The following TBC1D22A variants were observed in gnomAD, a reference collection of about 807,000 sequenced individuals.
TBC1D22A encodes the protein putative GTPase activator.
TBC1D22A carries 38 observed loss-of-function variants against 60.2 expected under a neutral mutation model. The ratio of observed to expected loss-of-function variants is 0.63; its 90% CI spans 0.49 to 0.83. The LOEUF (loss-of-function observed/expected upper bound fraction) is 0.83, where lower values mean the gene tolerates loss of function less well. TBC1D22A is among the 40% of genes least tolerant of loss of function. The probability of loss-of-function intolerance (pLI) is 0.00; values close to 1 mark genes in which losing one functional copy is unlikely to be tolerated. For missense variants in TBC1D22A, 628 were observed against 701.0 expected, an observed-to-expected ratio of 0.90 and a Z score of 1.18; for synonymous variants, 302 against 281.7, an observed-to-expected ratio of 1.07 and a Z score of -0.72.
chr22:47,014,427 G>C (rs1027765900), intron 10 of TBC1D22A, among the ~76,000 whole-genome samples: 10 of 152,198 alleles, frequency 6.6e-5, no homozygotes, highest in African/African-American at 2.4e-4. Flanking sequence ...GGCCCCATCA[G>C]TCCCCGCTGG....
intron 9 of TBC1D22A, among the ~76,000 whole-genome samples, chr22:46,987,322 C>T (rs919368983): frequency 6.6e-6 from 1 of 152,136 alleles, no homozygotes; most frequent in African/African-American, 2.4e-5. Flanking sequence ...TTGGAAAATA[C>T]CCTACTTGTA....
chr22:47,114,630 G>C (rs962791618), intron 12 of TBC1D22A, among the ~76,000 whole-genome samples: 1 of 152,150 alleles, frequency 6.6e-6, no homozygotes, highest in Non-Finnish European at 1.5e-5. Flanking sequence ...CCACCTGAGC[G>C]AGTAGGGCCC....
At chr22:46,787,716 C>T (rs757353889) in intron 1 of TBC1D22A, among the ~76,000 whole-genome samples, 7 of 152,120 alleles carry the variant, frequency 4.6e-5, no homozygotes, top group Admixed American at 4.6e-4. Context: ...TAAACTCTTA[C>T]ATGGAAATGG....
intron 12 of TBC1D22A, among the ~76,000 whole-genome samples, chr22:47,167,842 C>T (rs1275704460): frequency 2.0e-5 from 3 of 152,168 alleles, no homozygotes; most frequent in South Asian, 2.1e-4. Context: ...TCACTCCGGT[C>T]GTGGACTCTA....
intron 12 of TBC1D22A, among the ~76,000 whole-genome samples, chr22:47,129,579 A>G (rs986137465): frequency 6.6e-6 from 1 of 152,362 alleles, no homozygotes; most frequent in Non-Finnish European, 1.5e-5. Flanking sequence ...GGGTTATGGC[A>G]TACAAATCTA....
chr22:46,951,652 A>G (rs1248979524), intron 8 of TBC1D22A, among the ~76,000 whole-genome samples: 2 of 152,214 alleles, frequency 1.3e-5, no homozygotes, highest in Non-Finnish European at 1.5e-5. Context: ...TCAGCTGTCC[A>G]GTTACAGCGA....
intron 4 of TBC1D22A, among the ~76,000 whole-genome samples, chr22:46,823,638 C>T (rs781615680): frequency 9.9e-5 from 15 of 152,194 alleles, no homozygotes; most frequent in Non-Finnish European, 2.1e-4. Flanking sequence ...TCATGGAAGG[C>T]AGGGTCTTAG....
chr22:47,052,240 C>T (rs2063249141), intron 11 of TBC1D22A, among the ~76,000 whole-genome samples: 1 of 152,236 alleles, frequency 6.6e-6, no homozygotes, highest in African/African-American at 2.4e-5. Context: ...TTGAGTCCAT[C>T]AGGAAATATT....
chr22:46,800,478 G>T (rs989352964), intron 4 of TBC1D22A, among the ~76,000 whole-genome samples: 2 of 152,190 alleles, frequency 1.3e-5, no homozygotes, highest in Non-Finnish European at 2.9e-5. Flanking sequence ...CCAGGGTGGT[G>T]TGGAGATTCA....
intron 10 of TBC1D22A, among the ~76,000 whole-genome samples, chr22:47,032,943 C>T (rs949617171): frequency 4.6e-5 from 7 of 152,234 alleles, no homozygotes; most frequent in South Asian, 2.1e-4. Flanking sequence ...CCCCTCCTTC[C>T]TCAGGCGCTT....
At chr22:47,152,918 C>T (rs1325729814) in intron 12 of TBC1D22A, among the ~76,000 whole-genome samples, 3 of 151,800 alleles carry the variant, frequency 2.0e-5, no homozygotes, top group East Asian at 1.9e-4. Context: ...GAAAAGCACT[C>T]GGGCTAATTG....
intron 9 of TBC1D22A, among the ~76,000 whole-genome samples, chr22:46,987,278 A>G (rs1245886775): frequency 6.6e-6 from 1 of 152,176 alleles, no homozygotes. Context: ...ACCTCCTGAA[A>G]GAGCATGTGG....
intron 1 of TBC1D22A, among the ~76,000 whole-genome samples, chr22:46,775,649 A>G (rs1009909304): frequency 6.6e-6 from 1 of 152,028 alleles, no homozygotes; most frequent in Non-Finnish European, 1.5e-5. Flanking sequence ...CTCTATAGTG[A>G]GTTAGTTTTG....
intron 4 of TBC1D22A, among the ~76,000 whole-genome samples, chr22:46,849,556 T>C (rs548124932): frequency 6.6e-6 from 1 of 152,308 alleles, no homozygotes; most frequent in South Asian, 2.1e-4. Flanking sequence ...TTCATCTGTC[T>C]TTTTACTCTC....
chr22:46,911,513 C>T (rs2069922972), intron 7 of TBC1D22A, among the ~76,000 whole-genome samples: 1 of 152,184 alleles, frequency 6.6e-6, no homozygotes, highest in African/African-American at 2.4e-5. Flanking sequence ...TGTGGAGGAG[C>T]AGAGCGCTTC....
rs376840413 is a variant in TBC1D22A, at chr22:47,009,641, C to T, written c.1201+11932C>T. 2.6e-5 allele frequency among the ~76,000 whole-genome samples: 4 copies of T among 152,186 alleles called. No homozygotes were observed. In the East Asian group the frequency reaches 5.8e-4, roughly 22 times the overall value. ...ACTATCACCATCATTTCATCACCGT[C>T]ATCATTACCATCATCACCATCATCA... On this transcript the variant is annotated intron_variant, in intron 10 of 12. Transcript: ENST00000337137. The surrounding 1 kb of genome is among the most constrained non-coding windows in gnomAD (Gnocchi z 5.8).
chr22:46,851,753 T>G (rs1034284482), intron 4 of TBC1D22A, among the ~76,000 whole-genome samples: 2 of 152,228 alleles, frequency 1.3e-5, no homozygotes, highest in Non-Finnish European at 2.9e-5. Context: ...CTTAGTGACC[T>G]CCATAGCTCT....
intron 9 of TBC1D22A, among the ~76,000 whole-genome samples, chr22:46,977,191 A>C (rs1470790702): frequency 6.6e-6 from 1 of 152,102 alleles, no homozygotes; most frequent in Non-Finnish European, 1.5e-5. Flanking sequence ...ATTTGCAGGG[A>C]AGTTCTAGAG....
chr22:47,165,288 C>T lies in TBC1D22A; in HGVS notation c.1426-8210C>T, dbSNP rs1373969305. On this transcript the variant is annotated intron_variant, in intron 12 of 12. Coordinates refer to ENST00000337137, the MANE Select transcript of TBC1D22A (RefSeq NM_014346.5). ...ACCCCTTCAGCCCTCATGGCACCTGCGAAGGGCTCCTCTGCCACCTCCCAG... is the reference window on the plus strand; with the variant it reads ...ACCCCTTCAGCCCTCATGGCACCTGTGAAGGGCTCCTCTGCCACCTCCCAG... Among the ~76,000 whole-genome samples, 5 of 152,254 alleles carry T rather than the reference C, an allele frequency of 3.3e-5. No individual in the cohort carries two copies. In the East Asian group the frequency reaches 5.8e-4, roughly 18 times the overall value.
Sources: allele counts gnomAD v4.1 joint callset (sites outside exome capture counted in the v4.1 genomes callset), GRCh38; gene constraint gnomAD v4.1.1; non-coding constraint Gnocchi (gnomAD v3.1); transcripts MANE v1.5; gene names NCBI Gene and HGNC (gene_info 2026-07-23, HGNC 2026-07-21).